Variants in RAD51B observed in about 807,000 individuals in gnomAD.
RAD51B encodes RAD51 paralog B, also known as DNA repair protein RAD51 homolog 2.
A neutral mutation model predicts 42.2 loss-of-function variants in RAD51B; 38 were observed. The ratio of observed to expected loss-of-function variants is 0.90; its 90% confidence interval spans 0.70 to 1.18. The LOEUF (loss-of-function observed/expected upper bound fraction) is 1.18, where lower values mean the gene tolerates loss of function less well. Ranked by LOEUF, RAD51B falls within the 50% of genes most tolerant of loss-of-function variation. The probability of loss-of-function intolerance (pLI) is 0.00; values close to 1 mark genes in which losing one functional copy is unlikely to be tolerated. For synonymous variants in RAD51B, 154 were observed against 145.2 expected, an observed-to-expected ratio of 1.06 and a Z score of -0.43; for missense variants, 373 against 400.7, an observed-to-expected ratio of 0.93 and a Z score of 0.59.
intron 7 of RAD51B, among the ~76,000 whole-genome samples, chr14:68,080,199 A>G (rs2076892487): frequency 6.6e-6 from 1 of 152,158 alleles, no homozygotes; most frequent in Admixed American, 6.5e-5. Context: ...ATAAGGATGG[A>G]AACAGTTGCT....
rs78156118 is a variant in RAD51B, at chr14:68,517,235, A to G, written c.1036+48985A>G. Among the ~76,000 whole-genome samples, 821 of 145,924 alleles carry G rather than the reference A, an allele frequency of 5.6e-3. 6 individuals are homozygous for G. The highest frequency in any genetic ancestry group is 0.022 in the African/African-American group (783 of 35,720). ...AAAAGAAAGGGAAGGGAAGGGAAGGAAAGGAAAGGGAAGGGGAAGGGGAAG... is the reference window on the plus strand; with the variant it reads ...AAAAGAAAGGGAAGGGAAGGGAAGGGAAGGAAAGGGAAGGGGAAGGGGAAG... On this transcript the variant is annotated intron_variant, in intron 10 of 10. Transcript: ENST00000487270.
At chr14:68,092,390 AG>A (rs1410141512) in intron 7 of RAD51B, among the ~76,000 whole-genome samples, 2 of 152,146 alleles carry the variant, frequency 1.3e-5, no homozygotes, top group Non-Finnish European at 2.9e-5. Flanking sequence ...AGTGGTTTGT[AG>A]TTCTCCTTGA....
At chr14:68,500,602 T>G (rs1884850301) in intron 10 of RAD51B, among the ~76,000 whole-genome samples, 1 of 152,256 alleles carries the variant, frequency 6.6e-6, no homozygotes, top group Non-Finnish European at 1.5e-5. Context: ...AAATGAAGGT[T>G]GCTGAGATGA....
At chr14:68,054,165 A>G (rs1052381230) in intron 7 of RAD51B, among the ~76,000 whole-genome samples, 1 of 152,160 alleles carries the variant, frequency 6.6e-6, no homozygotes, top group African/African-American at 2.4e-5. Context: ...TGCAGACTGT[A>G]TTTGGGTTTT....
At chr14:68,045,404 G>A (rs1046391366) in intron 7 of RAD51B, among the ~76,000 whole-genome samples, 1 of 152,038 alleles carries the variant, frequency 6.6e-6, no homozygotes, top group South Asian at 2.1e-4. Flanking sequence ...CACAATAAGG[G>A]CTGAATAAAA....
intron 7 of RAD51B, among the ~76,000 whole-genome samples, chr14:68,256,020 T>C (rs2080747333): frequency 6.6e-6 from 1 of 152,204 alleles, no homozygotes; most frequent in Non-Finnish European, 1.5e-5. Flanking sequence ...TTTGGTTTAT[T>C]AGAATAATAA....
intron 4 of RAD51B, among the ~76,000 whole-genome samples, chr14:67,842,377 TTTTA>T (rs928639992): frequency 2.4e-4 from 37 of 152,186 alleles, no homozygotes; most frequent in Admixed American, 2.2e-3. Flanking sequence ...TTTTGATGCC[TTTTA>T]TTTCTTTCCC....
intron 8 of RAD51B, among the ~76,000 whole-genome samples, chr14:68,346,040 C>G (rs928351743): frequency 2.0e-5 from 3 of 152,176 alleles, no homozygotes; most frequent in Admixed American, 6.6e-5. Context: ...TTTAATAGTT[C>G]CCTCAAACCT....
chr14:68,443,184 T>C (rs1430286115), intron 9 of RAD51B, among the ~76,000 whole-genome samples: 1 of 152,226 alleles, frequency 6.6e-6, no homozygotes, highest in Non-Finnish European at 1.5e-5. Context: ...AAGAATATTT[T>C]GCGGCCAGCT....
chr14:68,284,307 T>C (rs1224674903), intron 7 of RAD51B, among the ~76,000 whole-genome samples: 1 of 152,254 alleles, frequency 6.6e-6, no homozygotes, highest in African/African-American at 2.4e-5. Flanking sequence ...AGGTTGAAGA[T>C]AAGCAATGCA....
intron 4 of RAD51B, among the ~76,000 whole-genome samples, chr14:67,858,727 C>T (rs1044368706): frequency 4.6e-5 from 7 of 152,354 alleles, no homozygotes; most frequent in African/African-American, 1.7e-4. Context: ...AGGCTTTGAA[C>T]TGTATCCGGC....
intron 10 of RAD51B, among the ~76,000 whole-genome samples, chr14:68,626,710 G>A (rs10142454): frequency 0.037 from 5,596 of 152,264 alleles, 335 homozygotes; most frequent in African/African-American, 0.13. Context: ...AAGAGATCCA[G>A]GCAGATATTG....
chr14:68,285,579 A>G (rs1186604796), intron 7 of RAD51B, among the ~76,000 whole-genome samples: 3 of 152,184 alleles, frequency 2.0e-5, no homozygotes, highest in East Asian at 3.8e-4. Context: ...AGCTAGAAGT[A>G]TCAGGACGGA....
At chr14:68,202,501 C>T (rs2079506515) in intron 7 of RAD51B, among the ~76,000 whole-genome samples, 1 of 149,706 alleles carries the variant, frequency 6.7e-6, no homozygotes, top group African/African-American at 2.4e-5. Context: ...CAATGATGTT[C>T]ACAGCACCTT....
chr14:68,537,294 T>C (rs1023877292), intron 10 of RAD51B, among the ~76,000 whole-genome samples: 21 of 152,028 alleles, frequency 1.4e-4, no homozygotes, highest in Admixed American at 4.6e-4. Flanking sequence ...GCCAGGAGAT[T>C]GAGACCATCC....
At chr14:67,936,532 A>G (rs2044959666) in intron 7 of RAD51B, among the ~76,000 whole-genome samples, 1 of 152,204 alleles carries the variant, frequency 6.6e-6, no homozygotes, top group African/African-American at 2.4e-5. Flanking sequence ...CATTTTGGGT[A>G]TTATGAATAA....
rs139871551 is a variant in RAD51B, at chr14:67,964,047, C to T, written c.756+76843C>T. On this transcript the variant is annotated intron_variant, in intron 7 of 10. Transcript: ENST00000471583. ...ACTTGAGTGCACATCTCCTGACTTT[C>T]TATGCTGTTCTTTTCCCTACAGTAC... 2.3e-3 allele frequency among the ~76,000 whole-genome samples: 348 copies of T among 151,914 alleles called. 1 individual carries two copies. Among genetic ancestry groups the T allele is most frequent in the African/African-American group, 8.1e-3 (337 of 41,434 alleles).
intron 8 of RAD51B, among the ~76,000 whole-genome samples, chr14:68,308,399 A>G (rs116962495): frequency 0.021 from 3,153 of 152,270 alleles, 60 homozygotes; most frequent in Non-Finnish European, 0.036. Flanking sequence ...CATGGATCCT[A>G]TTTCTACCTC....
chr14:68,600,156 T>C (rs139484662), downstream of RAD51B, among the ~76,000 whole-genome samples: 1 of 152,354 alleles, frequency 6.6e-6, no homozygotes, highest in Non-Finnish European at 1.5e-5. Flanking sequence ...TCTGATTTTC[T>C]GTACAGCTAC....
Sources: gnomAD v4.1 joint callset for allele counts (sites outside exome capture counted in the v4.1 genomes callset) on GRCh38, gnomAD v4.1.1 for gene constraint, MANE v1.5 for transcripts, NCBI Gene and HGNC (gene_info 2026-07-23, HGNC 2026-07-21) for gene names.